Variants in GSE1 observed in about 807,000 individuals in gnomAD.
GSE1 encodes Gse1 coiled-coil protein, also known as genetic suppressor element 1.
In GSE1, 32 loss-of-function variants were observed where a neutral mutation model predicts 112.6. That is an observed-to-expected ratio of 0.28 (90% CI 0.21 to 0.38). The LOEUF (loss-of-function observed/expected upper bound fraction) is 0.38. Ranked by LOEUF, GSE1 falls within the 10% of genes least tolerant of loss-of-function variation. The probability of loss-of-function intolerance (pLI) is 1.00; values close to 1 mark genes in which losing one functional copy is unlikely to be tolerated. For synonymous variants in GSE1, 1,115 were observed against 735.6 expected (o/e 1.52, Z -8.35); for missense variants, 2,348 against 1,699.2 (o/e 1.38, Z -6.71).
intron 1 of GSE1, among the ~76,000 whole-genome samples, chr16:85,240,263 C>G (rs1437749286): frequency 6.6e-6 from 1 of 152,212 alleles, no homozygotes; most frequent in African/African-American, 2.4e-5. Flanking sequence ...CCTCCCCAGT[C>G]ATTAGCCCAG....
chr16:85,289,224 C>T (rs913922257), intron 1 of GSE1, among the ~76,000 whole-genome samples: 4 of 152,200 alleles, frequency 2.6e-5, no homozygotes, highest in African/African-American at 9.7e-5. Context: ...GGAGTCCTCC[C>T]TGCAGTCCCA....
At chr16:85,353,845 C>T (rs377738413) in intron 1 of GSE1, among the ~76,000 whole-genome samples, 43 of 152,324 alleles carry the variant, frequency 2.8e-4, no homozygotes, top group African/African-American at 9.1e-4. Context: ...CTGGCCCCTG[C>T]GGGGATGTGT....
chr16:85,306,708 C>T (rs529506466), intron 1 of GSE1, among the ~76,000 whole-genome samples: 6 of 152,254 alleles, frequency 3.9e-5, no homozygotes, highest in African/African-American at 1.4e-4. Context: ...GCCACCATGC[C>T]TGGCTGTTTC....
intron 1 of GSE1, among the ~76,000 whole-genome samples, chr16:85,204,900 A>G (rs1283420114): frequency 6.6e-6 from 1 of 152,196 alleles, no homozygotes; most frequent in Non-Finnish European, 1.5e-5. Flanking sequence ...CTGGGGACAG[A>G]CCACAAGCTC....
chr16:85,417,133 T>C (rs1007828516), intron 2 of GSE1, among the ~76,000 whole-genome samples: 1 of 152,132 alleles, frequency 6.6e-6, no homozygotes, highest in Non-Finnish European at 1.5e-5. Context: ...CAAATTATAG[T>C]TCAAATTACA....
At chr16:85,286,066 T>A (rs2151431267) in intron 1 of GSE1, 1 of 152,516 alleles carries the variant, frequency 6.6e-6, no homozygotes. Flanking sequence ...TCATCTGGCC[T>A]GCAGCCCCTC....
chr16:85,204,302 G>A lies in GSE1; in HGVS notation c.2283+32495G>A, dbSNP rs747268964. On this transcript the variant is annotated intron_variant, in intron 1 of 2. Coordinates refer to the GSE1 transcript ENST00000637419. ...CCTGAACTTCATTCTTCCTATGGCCGGATAATACTCCACTGTATGGAAAAT... is the reference window on the plus strand; with the variant it reads ...CCTGAACTTCATTCTTCCTATGGCCAGATAATACTCCACTGTATGGAAAAT... 2.6e-4 allele frequency among the ~76,000 whole-genome samples: 39 copies of A among 152,182 alleles called. 1 individual carries two copies. The highest frequency in any genetic ancestry group is 1.3e-4 in the Non-Finnish European group (9 of 68,044).
intron 2 of GSE1, among the ~76,000 whole-genome samples, chr16:85,510,734 A>G (rs1402263177): frequency 6.6e-6 from 1 of 152,110 alleles, no homozygotes; most frequent in Non-Finnish European, 1.5e-5. Flanking sequence ...CTGGAACCCC[A>G]GAGCCCCCCG....
intron 3 of GSE1, among the ~76,000 whole-genome samples, chr16:85,653,066 C>T (rs2051510988): frequency 6.6e-6 from 1 of 150,642 alleles, no homozygotes; most frequent in African/African-American, 2.4e-5. Flanking sequence ...CAGTGCTGTC[C>T]CCACATGGGG....
At chr16:85,460,791 A>T (rs535524494) in intron 2 of GSE1, among the ~76,000 whole-genome samples, 1 of 144,570 alleles carries the variant, frequency 6.9e-6, no homozygotes, top group Non-Finnish European at 1.5e-5. Context: ...ATAACCAGGG[A>T]CGGCAATGGA....
At chr16:85,654,601 C>T (rs761565143) in intron 4 of GSE1, 151 bp downstream of exon 4, 4 of 782,154 alleles carry the variant, frequency 5.1e-6, no homozygotes, top group African/African-American at 1.7e-5. Context: ...GCAGCCCTGT[C>T]TGTGCCCCTT....
At chr16:85,589,326 G>A (rs2046859944) in intron 1 of GSE1, among the ~76,000 whole-genome samples, 1 of 152,214 alleles carries the variant, frequency 6.6e-6, no homozygotes, top group Non-Finnish European at 1.5e-5. Flanking sequence ...TGTGCACACA[G>A]GTGGAGAGGG....
intron 2 of GSE1, among the ~76,000 whole-genome samples, chr16:85,502,065 C>A (rs1024357147): frequency 6.6e-5 from 10 of 152,062 alleles, no homozygotes; most frequent in African/African-American, 2.4e-4. Context: ...GAGTGGGTGT[C>A]AGGGGCACTC....
chr16:85,214,512 G>A (rs890853412), intron 1 of GSE1, among the ~76,000 whole-genome samples: 1 of 152,090 alleles, frequency 6.6e-6, no homozygotes, highest in Non-Finnish European at 1.5e-5. Flanking sequence ...AGTCGGCCCC[G>A]GAGCCTTCAG....
At chr16:85,331,323 C>CTGTGTGTGTGTG (rs71151278) in intron 1 of GSE1, among the ~76,000 whole-genome samples, 2 of 84,508 alleles carry the variant, frequency 2.4e-5, no homozygotes, top group African/African-American at 8.7e-5. Flanking sequence ...CAGCTAATTT[C>CTGTGTGTGTGTG]TGTGTGTGTG....
intron 1 of GSE1, among the ~76,000 whole-genome samples, chr16:85,309,965 G>A (rs1004694744): frequency 6.6e-6 from 1 of 152,344 alleles, no homozygotes; most frequent in East Asian, 1.9e-4. Context: ...GAGAAGTGGC[G>A]GGGTCACGGC....
chr16:85,654,046 C>A (rs971220644), intron 3 of GSE1, among the ~76,000 whole-genome samples: 1 of 152,130 alleles, frequency 6.6e-6, no homozygotes, highest in African/African-American at 2.4e-5. Context: ...GGGAGGGAGA[C>A]GGATCCCGAG....
At chr16:85,437,769 G>C (rs1447283813) in intron 2 of GSE1, among the ~76,000 whole-genome samples, 1 of 152,164 alleles carries the variant, frequency 6.6e-6, no homozygotes, top group African/African-American at 2.4e-5. Context: ...GGGGATCCAG[G>C]AGGCCGAACA....
intron 2 of GSE1, among the ~76,000 whole-genome samples, chr16:85,404,524 A>AG (rs1218465017): frequency 2.6e-4 from 11 of 42,174 alleles, no homozygotes; most frequent in Non-Finnish European, 3.5e-4. Context: ...TGTTACTCTC[A>AG]GGCCCCCCTG....
Sources: allele counts gnomAD v4.1 joint callset (sites outside exome capture counted in the v4.1 genomes callset), GRCh38; gene constraint gnomAD v4.1.1; transcripts MANE v1.5; gene names NCBI Gene and HGNC (gene_info 2026-07-23, HGNC 2026-07-21).